MYO6: variants seen among roughly 807,000 people sequenced by gnomAD.
MYO6 encodes the protein myosin VI.
Under a neutral mutation model 178.7 loss-of-function variants are expected in MYO6, and 74 were observed. That is an observed-to-expected ratio of 0.41 (90% CI 0.34 to 0.50). The LOEUF (loss-of-function observed/expected upper bound fraction) is 0.50, where lower values mean the gene tolerates loss of function less well. MYO6 is among the 20% of genes least tolerant of loss of function. MYO6 has a pLI of 0.09. For missense variants in MYO6, 1,330 were observed against 1,547.4 expected (o/e 0.86, Z 2.36); for synonymous variants, 477 against 504.6 (o/e 0.95, Z 0.73).
In MYO6 at chr6:75,822,867, A is replaced by G; in HGVS notation, c.187+16A>G. 1.9e-6 allele frequency: 3 copies of G among 1,588,660 alleles called. No homozygotes were observed. Among genetic ancestry groups the G allele is most frequent in the Non-Finnish European group, 2.6e-6 (3 of 1,157,182 alleles). ...GAAGATAACTGTAAGTACCAAGTTA[A>G]AAATTAACTCTCCGCACAGAAAAGG... On this transcript the variant is annotated intron_variant, in intron 3 of 34. Transcript: ENST00000369977.
Position 75,857,179 on chromosome 6 carries a change from G to A in MYO6, c.1306G>A (p.Val436Ile), listed in dbSNP as rs1201255614. The change falls in exon 13 of 35, where the codon GTA becomes ATA. Residue 436 changes from valine (V) to isoleucine (I), a missense_variant. By Grantham distance (29) the Val-to-Ile change is conservative (BLOSUM62 3). Transcript: ENST00000369977. ...TVYSHLFDHV[V>I]NRVNQCFPFE... Reference sequence around the variant, plus strand: ...GTATAGCCATCTTTTTGATCATGTGGTAAACAGAGTAAATCAGTGTTTTCC... The same window carrying A: ...GTATAGCCATCTTTTTGATCATGTGATAAACAGAGTAAATCAGTGTTTTCC... The A allele has an allele frequency of 6.2e-7, 1 of 1,613,910 alleles. No homozygotes were observed. The highest frequency in any genetic ancestry group is 8.5e-7 in the Non-Finnish European group (1 of 1,179,834).
chr6:75,831,889 C>CAA (rs199741161), intron 5 of MYO6, among the ~76,000 whole-genome samples: 18 of 95,182 alleles, frequency 1.9e-4, no homozygotes, highest in South Asian at 7.5e-4. Context: ...TACCCTGTCT[C>CAA]AAAAAAAAAA....
intron 18 of MYO6, 115 bp from the exon 19 acceptor site, chr6:75,870,532 G>A (rs1345953746): frequency 7.4e-6 from 6 of 809,164 alleles, no homozygotes; most frequent in South Asian, 1.5e-5. Context: ...GGAATGTGTT[G>A]TATTTGGATG....
At chr6:75,866,498 A>T in intron 16 of MYO6, 28 bp from the exon 17 acceptor site, 1 of 1,507,316 alleles carries the variant, frequency 6.6e-7, no homozygotes, top group Non-Finnish European at 9.2e-7. Flanking sequence ...TTGATCATTT[A>T]ATAACTCATA....
At chr6:75,885,879 T>C in intron 23 of MYO6, 125 bp from the exon 24 acceptor site, 1 of 666,768 alleles carries the variant, frequency 1.5e-6, no homozygotes, top group Non-Finnish European at 2.6e-6. Context: ...ATGTCTGATA[T>C]ATAATAATAT....
chr6:75,887,583 G>A (rs1778541620), intron 25 of MYO6, among the ~76,000 whole-genome samples: 1 of 149,554 alleles, frequency 6.7e-6, no homozygotes, highest in African/African-American at 2.5e-5. Context: ...GGAGATTGCA[G>A]TGAGCCAAGA....
intron 1 of MYO6, among the ~76,000 whole-genome samples, chr6:75,774,800 TA>T (rs1172896041): frequency 6.6e-6 from 1 of 151,314 alleles, no homozygotes; most frequent in Non-Finnish European, 1.5e-5. Context: ...TTATTATTAC[TA>T]TTTTTTTTTT....
In MYO6 at chr6:75,857,093, A is replaced by G. The variant is rs144031818; in HGVS notation, c.1224-4A>G. On this transcript the variant is annotated splice_region_variant and splice_polypyrimidine_tract_variant and intron_variant, in intron 12 of 34. Coordinates refer to ENST00000369977, the MANE Select transcript of MYO6 (RefSeq NM_004999.4). ...ATTTTTACTAGCATAGTTTTCTTTTATAGGGTACCTCTGAAAGTGGAGCAA... is the reference window on the plus strand; with the variant it reads ...ATTTTTACTAGCATAGTTTTCTTTTGTAGGGTACCTCTGAAAGTGGAGCAA... The G allele has an allele frequency of 3.8e-3, 6,200 of 1,613,844 alleles. 23 individuals are homozygous for G. The highest frequency in any genetic ancestry group is 4.7e-3 in the Non-Finnish European group (5,572 of 1,179,840).
At chr6:75,912,501 C>T (rs1562319767) in intron 33 of MYO6, among the ~76,000 whole-genome samples, 2 of 152,028 alleles carry the variant, frequency 1.3e-5, no homozygotes, top group African/African-American at 2.4e-5. Context: ...TTTCAGTTCT[C>T]CTGTTAGTAA....
intron 1 of MYO6, among the ~76,000 whole-genome samples, chr6:75,776,260 A>G (rs532906277): frequency 6.6e-6 from 1 of 152,172 alleles, no homozygotes; most frequent in African/African-American, 2.4e-5. Flanking sequence ...CTTTTTAAAT[A>G]TTGTTTTCTC....
intron 1 of MYO6, among the ~76,000 whole-genome samples, chr6:75,787,007 A>G (rs1458452625): frequency 6.6e-6 from 1 of 152,202 alleles, no homozygotes; most frequent in Non-Finnish European, 1.5e-5. Flanking sequence ...TTCACTTGTT[A>G]GTGCTTTAGT....
chr6:75,881,732 T>TA lies in MYO6; in HGVS notation c.2331dup (p.Ala778SerfsTer5). The TA allele has an allele frequency of 6.2e-7, 1 of 1,613,994 alleles. No individual in the cohort carries two copies. The highest frequency in any genetic ancestry group is 8.5e-7 in the Non-Finnish European group (1 of 1,179,864). On this transcript the variant is annotated frameshift_variant, in exon 23 of 35. Transcript: ENST00000369977. LOFTEE classifies it high-confidence loss of function. ...ATCATGAAGTCTGACCCTGACCACT[T>TA]AGCAGAGTTGGTTAAAAGAGTCAAT...
Position 75,891,208 on chromosome 6 carries a change from A to G in MYO6, c.2868-20A>G. 1.3e-6 allele frequency: 2 copies of G among 1,524,432 alleles called. No individual in the cohort carries two copies. Among genetic ancestry groups the G allele is most frequent in the East Asian group, 4.6e-5 (2 of 43,426 alleles). The allele number at this position is 1,524,432 out of a possible 1,614,324, so 94.4% of individuals were successfully genotyped here. A position where few individuals can be genotyped will look rare whatever the true frequency, so the allele number is the denominator to read the frequency against. ...TTTATTTTCTGTTAAATTTTTGAAG[A>G]GTTTTCTATTTTTTATTAGGAAACT... On this transcript the variant is annotated intron_variant, in intron 26 of 34. Coordinates refer to ENST00000369977, the MANE Select transcript of MYO6 (RefSeq NM_004999.4).
At chr6:75,890,480 GATTACA>G (rs1778818031) in intron 26 of MYO6, among the ~76,000 whole-genome samples, 3 of 152,128 alleles carry the variant, frequency 2.0e-5, no homozygotes, top group Non-Finnish European at 4.4e-5. Flanking sequence ...GAGTAGCTGG[GATTACA>G]GGTGCGCACC....
At chr6:75,804,911 CACAT>C (rs1396264313) in intron 1 of MYO6, among the ~76,000 whole-genome samples, 1 of 146,788 alleles carries the variant, frequency 6.8e-6, no homozygotes, top group Non-Finnish European at 1.5e-5. Flanking sequence ...CATATATACA[CACAT>C]ATATAATATA....
intron 1 of MYO6, among the ~76,000 whole-genome samples, chr6:75,807,924 A>G (rs1481004249): frequency 6.6e-6 from 1 of 151,526 alleles, no homozygotes; most frequent in Non-Finnish European, 1.5e-5. Flanking sequence ...TTTTAGCCTT[A>G]TTTTACCCAC....
Position 75,832,781 on chromosome 6 carries a change from T to G in MYO6, c.392-61T>G, listed in dbSNP as rs575716193. The G allele has an allele frequency of 1.4e-5, 14 of 1,029,958 alleles. No individual in the cohort carries two copies. The African/African-American group carries it at 2.1e-4, about 15-fold the overall frequency. The allele number at this position is 1,029,958 out of a possible 1,614,324, so 63.8% of individuals were successfully genotyped here. A position where few individuals can be genotyped will look rare whatever the true frequency, so the allele number is the denominator to read the frequency against. On this transcript the variant is annotated intron_variant, in intron 5 of 34. Coordinates refer to ENST00000369977, the MANE Select transcript of MYO6 (RefSeq NM_004999.4). ...AGAGTAAGTGGTCCTAAAGTGAACT[T>G]TCTATTATTAACTTTATATTTAATA...
chr6:75,760,945 C>G (rs1043058060), intron 1 of MYO6, among the ~76,000 whole-genome samples: 7 of 151,848 alleles, frequency 4.6e-5, no homozygotes, highest in African/African-American at 1.7e-4. Context: ...TCTCTTCTTC[C>G]TTGTTATTTT....
chr6:75,832,399 C>A (rs1308848747), intron 5 of MYO6, among the ~76,000 whole-genome samples: 1 of 152,062 alleles, frequency 6.6e-6, no homozygotes, highest in East Asian at 1.9e-4. Context: ...GAGAAAAAAA[C>A]CCAAGTTGCC....
Sources: gnomAD v4.1 joint callset for allele counts (sites outside exome capture counted in the v4.1 genomes callset) on GRCh38, gnomAD v4.1.1 for gene constraint, MANE v1.5 for transcripts, NCBI Gene and HGNC (gene_info 2026-07-23, HGNC 2026-07-21) for gene names.